TPH1: variants seen among roughly 807,000 people sequenced by gnomAD.
TPH1 encodes tryptophan 5-hydroxylase 1.
TPH1 carries 37 observed loss-of-function variants against 49.5 expected under a neutral mutation model. That is an observed-to-expected ratio of 0.75 (90% CI 0.58 to 0.98). TPH1 has a LOEUF of 0.98. TPH1 is among the 50% of genes least tolerant of loss of function. The pLI, the probability that TPH1 is intolerant of heterozygous loss-of-function variation, is 0.00. For missense variants in TPH1, 487 were observed against 523.6 expected, an observed-to-expected ratio of 0.93 and a Z score of 0.68; for synonymous variants, 160 against 182.1, an observed-to-expected ratio of 0.88 and a Z score of 0.98.
chr11:18,040,486 G>C (rs1461618199), intron 2 of TPH1, among the ~76,000 whole-genome samples, 160 bp downstream of exon 2: 1 of 151,374 alleles, frequency 6.6e-6, no homozygotes, highest in Non-Finnish European at 1.5e-5. Context: ...TCCCACCCCA[G>C]CCTCCCAGGT....
At chr11:18,025,215 C>T (rs975631194) in intron 8 of TPH1, among the ~76,000 whole-genome samples, 1 of 152,124 alleles carries the variant, frequency 6.6e-6, no homozygotes, top group African/African-American at 2.4e-5. Flanking sequence ...TTATTGTAAT[C>T]TTGTTTTTCT....
At chr11:18,031,481 G>A (rs1327080319) in intron 4 of TPH1, among the ~76,000 whole-genome samples, 6 of 152,058 alleles carry the variant, frequency 3.9e-5, no homozygotes, top group African/African-American at 1.5e-4. Context: ...TATGTACCTA[G>A]GAGCCATTGG....
intron 8 of TPH1, 101 bp downstream of exon 8, chr11:18,025,474 G>A: frequency 2.6e-6 from 4 of 1,558,070 alleles, no homozygotes; most frequent in Non-Finnish European, 3.5e-6. Context: ...TCCAAGCAAA[G>A]ACAAATTTTC....
In TPH1 at chr11:18,040,984, T is replaced by C. The variant is rs952829394; in HGVS notation, c.-26-196A>G. ...AACTTTGCCTGACACCTGCCTAGAA[T>C]AGAATACATGTTAGTAGTTCCCTTT... On this transcript the variant is annotated intron_variant, in intron 1 of 10. Transcript: ENST00000682019. 16 of 475,970 alleles carry C rather than the reference T, an allele frequency of 3.4e-5. No individual in the cohort carries two copies. In the Admixed American group the frequency reaches 4.9e-4, roughly 15 times the overall value. 29.5% of individuals were successfully genotyped at this position (475,970 alleles called of 1,614,324 possible).
rs766289211 is a variant in TPH1 at position 18,040,785 on chromosome 11, A to G, written c.-23T>C. 12 of 1,609,020 alleles carry G rather than the reference A, an allele frequency of 7.5e-6. No individual in the cohort carries two copies. In the South Asian group the frequency reaches 1.2e-4, roughly 16 times the overall value. On this transcript the variant is annotated 5_prime_UTR_variant, in exon 2 of 11. Transcript: ENST00000682019. ...CATGATGAATTTGGAGTAATTCTCT[A>G]AAACTAAAGTATGAAAACAAAGACT...
rs937770672 is a variant in TPH1, at chr11:18,025,199, A to T, written c.930+376T>A. Among the ~76,000 whole-genome samples the T allele has an allele frequency of 3.3e-5, 5 of 152,318 alleles. 1 individual carries two copies. Among genetic ancestry groups the T allele is most frequent in the Admixed American group, 6.5e-5 (1 of 15,296 alleles). ...TTTTATTGGAAAATAAAAGATAGAT[A>T]ACCTATTATTGTAATCTTGTTTTTC... On this transcript the variant is annotated intron_variant, in intron 8 of 10. Coordinates refer to ENST00000682019, the MANE Select transcript of TPH1 (RefSeq NM_004179.3).
chr11:18,020,175 A>G lies in TPH1; in HGVS notation c.*816T>C, dbSNP rs1428656308. Reference sequence around the variant, plus strand: ...GCCCCATGCAAGTCGCATCTCTACTAAGTTTCCCTTGGACCCATGAGTAGG... The same window carrying G: ...GCCCCATGCAAGTCGCATCTCTACTGAGTTTCCCTTGGACCCATGAGTAGG... On this transcript the variant is annotated 3_prime_UTR_variant, in exon 11 of 11. Coordinates refer to ENST00000682019, the MANE Select transcript of TPH1 (RefSeq NM_004179.3). 6.3e-6 allele frequency: 1 copy of G among 159,146 alleles called. No homozygotes were observed. The highest frequency in any genetic ancestry group is 2.4e-5 in the African/African-American group (1 of 41,516). The allele number at this position is 159,146 out of a possible 1,614,324, so 9.9% of individuals were successfully genotyped here. A position where few individuals can be genotyped will look rare whatever the true frequency, so the allele number is the denominator to read the frequency against.
chr11:18,030,995 T>C (rs1398197427), intron 4 of TPH1, among the ~76,000 whole-genome samples: 1 of 152,162 alleles, frequency 6.6e-6, no homozygotes, highest in African/African-American at 2.4e-5. Context: ...TCACATACCA[T>C]AAAATAACCA....
chr11:18,026,466 C>T (rs1319106515), intron 7 of TPH1, 24 bp downstream of exon 7: 7 of 1,590,254 alleles, frequency 4.4e-6, no homozygotes, highest in Non-Finnish European at 6.0e-6. Flanking sequence ...TTGATGAATT[C>T]CTGGCTGAAA....
intron 2 of TPH1, among the ~76,000 whole-genome samples, chr11:18,038,529 GCTCT>G (rs1348565448): frequency 3.3e-5 from 5 of 152,192 alleles, no homozygotes; most frequent in African/African-American, 1.2e-4. Flanking sequence ...CATGAGAGCA[GCTCT>G]CTATCAGAAG....
At chr11:18,038,160 TA>T (rs75727538) in intron 2 of TPH1, among the ~76,000 whole-genome samples, 48,692 of 152,120 alleles carry the variant, frequency 0.32, 9,384 homozygotes, top group East Asian at 0.51. Context: ...AATCAATAGA[TA>T]ATTACCTATA....
intron 1 of TPH1, chr11:18,041,213 G>T: frequency 6.3e-6 from 1 of 159,886 alleles, no homozygotes; most frequent in East Asian, 1.8e-4. Context: ...TTCTAACAAG[G>T]CAGCAAGCTC....
At chr11:18,029,131 C>T in intron 6 of TPH1, 34 bp downstream of exon 6, 1 of 1,263,070 alleles carries the variant, frequency 7.9e-7, no homozygotes. Context: ...CAGAGTTCAG[C>T]AACTCCCTTA....
intron 1 of TPH1, chr11:18,042,223 T>C (rs1848104291): frequency 2.7e-6 from 1 of 365,226 alleles, no homozygotes; most frequent in South Asian, 2.1e-5. Flanking sequence ...TCAAAGGAAG[T>C]GACCATTTCT....
chr11:18,025,749 T>C, intron 7 of TPH1, 48 bp from the exon 8 acceptor site: 1 of 1,610,950 alleles, frequency 6.2e-7, no homozygotes, highest in Non-Finnish European at 8.5e-7. Flanking sequence ...TAACATACGT[T>C]TATAATCAAC....
chr11:18,042,421 G>A (rs761076949), intron 1 of TPH1: 18 of 446,846 alleles, frequency 4.0e-5, no homozygotes, highest in Middle Eastern at 3.3e-4. Context: ...TATGGGCGAC[G>A]TTGTCCTAAA....
intron 2 of TPH1, among the ~76,000 whole-genome samples, chr11:18,036,902 G>A (rs2134033123): frequency 6.6e-6 from 1 of 152,202 alleles, no homozygotes; most frequent in African/African-American, 2.4e-5. Flanking sequence ...ATAAAGGGAA[G>A]ACATAAAGGA....
rs1590269210 is a variant in TPH1, at chr11:18,042,268, A to G, written c.-26-1480T>C. On this transcript the variant is annotated intron_variant, in intron 1 of 10. Transcript: ENST00000682019. ...CTTAAGTATACACAGAAAATTCCAAATTGGTGGCTCTGGGGCTAAAAATTC... is the reference window on the plus strand; with the variant it reads ...CTTAAGTATACACAGAAAATTCCAAGTTGGTGGCTCTGGGGCTAAAAATTC... 10 of 421,460 alleles carry G rather than the reference A, an allele frequency of 2.4e-5. No individual in the cohort carries two copies. In the East Asian group the frequency reaches 6.6e-4, roughly 28 times the overall value. The allele number at this position is 421,460 out of a possible 1,614,324, so 26.1% of individuals were successfully genotyped here.
At chr11:18,023,066 T>G in intron 9 of TPH1, 135 bp from the exon 10 acceptor site, 1 of 988,236 alleles carries the variant, frequency 1.0e-6, no homozygotes, top group Non-Finnish European at 1.5e-6. Flanking sequence ...TTATTTCCTA[T>G]AGCTCTATTC....
Sources: gnomAD v4.1 joint callset for allele counts (sites outside exome capture counted in the v4.1 genomes callset) on GRCh38, gnomAD v4.1.1 for gene constraint, MANE v1.5 for transcripts, NCBI Gene and HGNC (gene_info 2026-07-23, HGNC 2026-07-21) for gene names.